The following ENTREP2 variants were observed in gnomAD, a reference collection of about 807,000 sequenced individuals.
ENTREP2 encodes the protein protein ENTREP2.
the ENTREP2 span, among the ~76,000 whole-genome samples, chr15:29,637,536 CT>C: frequency 6.6e-6 from 1 of 152,180 alleles, no homozygotes; most frequent in Non-Finnish European, 1.5e-5. Context: ...GATTTAGAAC[CT>C]GCCAAAATCA....
At chr15:29,244,496 A>G in the ENTREP2 span, among the ~76,000 whole-genome samples, 1 of 152,202 alleles carries the variant, frequency 6.6e-6, no homozygotes, top group Non-Finnish European at 1.5e-5. Context: ...AAATGACCCA[A>G]AAGTTCTGTC....
the ENTREP2 span, among the ~76,000 whole-genome samples, chr15:29,140,251 CTG>C: frequency 9.4e-3 from 1,431 of 152,344 alleles, 16 homozygotes; most frequent in Middle Eastern, 0.044. Flanking sequence ...TTACCCACCT[CTG>C]TACCCGTCTC....
chr15:29,479,616 C>T, the ENTREP2 span, among the ~76,000 whole-genome samples: 12 of 108,544 alleles, frequency 1.1e-4, no homozygotes, highest in Admixed American at 4.2e-4. Flanking sequence ...CTCTCTCCCT[C>T]CCTCTCTTTC....
the ENTREP2 span, chr15:29,381,935 C>T: frequency 2.0e-6 from 2 of 1,018,920 alleles, no homozygotes; most frequent in African/African-American, 1.6e-5. Flanking sequence ...GTGTGGAACA[C>T]AGCACACACA....
the ENTREP2 span, among the ~76,000 whole-genome samples, chr15:29,257,137 G>A: frequency 6.0e-5 from 9 of 151,194 alleles, no homozygotes; most frequent in Non-Finnish European, 1.2e-4. Flanking sequence ...GCAATGCAGC[G>A]ATCTCGACTC....
the ENTREP2 span, among the ~76,000 whole-genome samples, chr15:29,467,448 G>C: frequency 2.6e-5 from 4 of 152,150 alleles, no homozygotes; most frequent in Non-Finnish European, 5.9e-5. Flanking sequence ...CTAGAATAAA[G>C]TACTGTTCCA....
chr15:29,514,460 G>T, the ENTREP2 span, among the ~76,000 whole-genome samples: 1 of 152,174 alleles, frequency 6.6e-6, no homozygotes, highest in Non-Finnish European at 1.5e-5. Flanking sequence ...CTCATCTACT[G>T]ATGGACACTT....
chr15:29,157,329 T>C, the ENTREP2 span, among the ~76,000 whole-genome samples: 1 of 152,160 alleles, frequency 6.6e-6, no homozygotes, highest in Non-Finnish European at 1.5e-5. Context: ...TGTGTCCTCA[T>C]TCCCCTCTCC....
chr15:29,548,922 G>C, the ENTREP2 span, among the ~76,000 whole-genome samples: 1 of 152,168 alleles, frequency 6.6e-6, no homozygotes, highest in Non-Finnish European at 1.5e-5. Context: ...CTTGTGTAAT[G>C]AACTGCAACT....
the ENTREP2 span, chr15:29,235,236 T>A: frequency 1.9e-6 from 1 of 533,020 alleles, no homozygotes; most frequent in Non-Finnish European, 3.4e-6. Flanking sequence ...TTATAGAACA[T>A]TTAAAAAAAT....
At chr15:29,165,099 GA>G in the ENTREP2 span, among the ~76,000 whole-genome samples, 2 of 152,040 alleles carry the variant, frequency 1.3e-5, no homozygotes, top group Admixed American at 1.3e-4. Flanking sequence ...AATCAAGGTG[GA>G]AATTAAAAAA....
the ENTREP2 span, among the ~76,000 whole-genome samples, chr15:29,380,149 G>A: frequency 5.9e-5 from 9 of 152,092 alleles, no homozygotes; most frequent in Admixed American, 1.3e-4. Flanking sequence ...GAGTACACAG[G>A]GGTTCATGAC....
chr15:29,580,077 G>A, the ENTREP2 span, among the ~76,000 whole-genome samples: 1 of 152,022 alleles, frequency 6.6e-6, no homozygotes, highest in African/African-American at 2.4e-5. Context: ...AAACTCCTGA[G>A]CTCAGGCAGT....
chr15:29,357,752 T>C, the ENTREP2 span, among the ~76,000 whole-genome samples: 1 of 151,206 alleles, frequency 6.6e-6, no homozygotes, highest in South Asian at 2.1e-4. Context: ...GGCAGGAGAA[T>C]GGCATGAACC....
the ENTREP2 span, among the ~76,000 whole-genome samples, chr15:29,322,555 C>T: frequency 6.6e-6 from 1 of 152,236 alleles, no homozygotes; most frequent in African/African-American, 2.4e-5. Flanking sequence ...GAAGCTGAGT[C>T]ACACAAGAAG....
the ENTREP2 span, among the ~76,000 whole-genome samples, chr15:29,286,892 C>A: frequency 6.6e-6 from 1 of 152,220 alleles, no homozygotes; most frequent in South Asian, 2.1e-4. Context: ...AACTCCCTGG[C>A]ACAATGTTTC....
the ENTREP2 span, among the ~76,000 whole-genome samples, chr15:29,237,646 A>G: frequency 6.6e-6 from 1 of 152,214 alleles, no homozygotes; most frequent in Non-Finnish European, 1.5e-5. Context: ...GGCTTAAAAC[A>G]AAGTCAGAAA....
At chr15:29,470,353 C>T in the ENTREP2 span, among the ~76,000 whole-genome samples, 767 of 152,254 alleles carry the variant, frequency 5.0e-3, 8 homozygotes, top group African/African-American at 0.018. Flanking sequence ...GGCTACAGGA[C>T]ACTCATCAAT....
the ENTREP2 span, among the ~76,000 whole-genome samples, chr15:29,646,830 A>T: frequency 6.6e-6 from 1 of 152,170 alleles, no homozygotes; most frequent in African/African-American, 2.4e-5. Flanking sequence ...TTTCTAGTTG[A>T]CACAAGGGCC....
Sources: allele counts gnomAD v4.1 joint callset (sites outside exome capture counted in the v4.1 genomes callset), GRCh38; gene constraint gnomAD v4.1.1; transcripts MANE v1.5; gene names NCBI Gene and HGNC (gene_info 2026-07-23, HGNC 2026-07-21).